ICA1: variants seen among roughly 807,000 people sequenced by gnomAD.
ICA1 encodes the protein 69 kDa islet cell autoantigen.
A neutral mutation model predicts 71.0 loss-of-function variants in ICA1; 40 were observed. That is an observed-to-expected ratio of 0.56 (90% confidence interval 0.44 to 0.73). The LOEUF is 0.73. Ranked by LOEUF, ICA1 falls within the 30% of genes least tolerant of loss-of-function variation. The probability of loss-of-function intolerance (pLI) is 0.00; values close to 1 mark genes in which losing one functional copy is unlikely to be tolerated. For missense variants in ICA1, 578 were observed against 576.5 expected, an observed-to-expected ratio of 1.00 and a Z score of -0.03; for synonymous variants, 207 against 209.5, an observed-to-expected ratio of 0.99 and a Z score of 0.10.
chr7:8,245,408 G>A (rs1428293466), intron 1 of ICA1, among the ~76,000 whole-genome samples: 2 of 125,466 alleles, frequency 1.6e-5, no homozygotes, highest in Non-Finnish European at 3.3e-5. Context: ...GGGGCCTGTT[G>A]TGGGGTGGGG....
At chr7:8,238,576 T>C (rs982790177) in intron 1 of ICA1, among the ~76,000 whole-genome samples, 5 of 152,204 alleles carry the variant, frequency 3.3e-5, no homozygotes, top group African/African-American at 1.2e-4. Flanking sequence ...GGTTTGCAAA[T>C]ATTTTCTCAT....
intron 9 of ICA1, 200 bp from the exon 10 acceptor site, chr7:8,142,017 G>C: frequency 6.7e-7 from 1 of 1,482,844 alleles, no homozygotes; most frequent in Non-Finnish European, 9.0e-7. Flanking sequence ...CTTAATATCT[G>C]AATTTGCTTT....
chr7:8,178,036 C>G (rs1270445713), intron 6 of ICA1, among the ~76,000 whole-genome samples: 4 of 152,238 alleles, frequency 2.6e-5, no homozygotes, highest in Non-Finnish European at 4.4e-5. Flanking sequence ...GCCCACTTCT[C>G]TACCTCCATC....
At chr7:8,218,699 T>TAC (rs753592873) in intron 5 of ICA1, 196 bp from the exon 6 acceptor site, 10 of 599,946 alleles carry the variant, frequency 1.7e-5, no homozygotes, top group Non-Finnish European at 2.4e-5. Context: ...ATTATCCATG[T>TAC]ACCCATCCCT....
intron 1 of ICA1, among the ~76,000 whole-genome samples, chr7:8,243,605 T>C (rs368799471): frequency 6.6e-6 from 1 of 152,106 alleles, no homozygotes; most frequent in East Asian, 1.9e-4. Context: ...CATATTCAAT[T>C]AGGAAAAGAA....
chr7:8,161,767 A>C (rs571049323), intron 6 of ICA1, among the ~76,000 whole-genome samples: 3 of 152,318 alleles, frequency 2.0e-5, no homozygotes, highest in African/African-American at 4.8e-5. Context: ...CTCCCTGCCC[A>C]CAGCTGACCA....
intron 8 of ICA1, among the ~76,000 whole-genome samples, chr7:8,154,928 A>G (rs903137491): frequency 1.3e-5 from 2 of 152,196 alleles, no homozygotes; most frequent in Non-Finnish European, 2.9e-5. Flanking sequence ...TTGAGTCCAC[A>G]TAAAGAAAAA....
At chr7:8,124,184 GA>G (rs1788159543) in intron 13 of ICA1, among the ~76,000 whole-genome samples, 1 of 147,612 alleles carries the variant, frequency 6.8e-6, no homozygotes. Context: ...GCAGTGGCGG[GA>G]TCTCGGCTCA....
intron 1 of ICA1, among the ~76,000 whole-genome samples, chr7:8,243,642 T>C (rs562673167): frequency 6.6e-6 from 1 of 152,336 alleles, no homozygotes; most frequent in South Asian, 2.1e-4. Flanking sequence ...TGTTTGCAGA[T>C]GACATGATTG....
At chr7:8,153,179 G>C (rs942780998) in intron 8 of ICA1, among the ~76,000 whole-genome samples, 5 of 152,170 alleles carry the variant, frequency 3.3e-5, no homozygotes, top group African/African-American at 1.2e-4. Context: ...TATATACTTT[G>C]TTTTATCACA....
At chr7:8,171,228 T>C (rs113868311) in intron 6 of ICA1, among the ~76,000 whole-genome samples, 1 of 148,062 alleles carries the variant, frequency 6.8e-6, no homozygotes, top group Non-Finnish European at 1.5e-5. Flanking sequence ...ATATTATTTC[T>C]TCCGTATATG....
intron 4 of ICA1, among the ~76,000 whole-genome samples, chr7:8,221,618 T>C (rs1797112907): frequency 6.6e-6 from 1 of 152,180 alleles, no homozygotes; most frequent in Non-Finnish European, 1.5e-5. Flanking sequence ...CTTGAATACA[T>C]CTGTCAGTGA....
intron 7 of ICA1, 58 bp from the exon 8 acceptor site, chr7:8,157,272 C>A: frequency 1.4e-6 from 2 of 1,455,876 alleles, no homozygotes; most frequent in South Asian, 1.3e-5. Context: ...TAGTCCTGGT[C>A]CCCAGGGAAG....
At chr7:8,239,450 A>G (rs1382523666) in intron 1 of ICA1, among the ~76,000 whole-genome samples, 1 of 152,240 alleles carries the variant, frequency 6.6e-6, no homozygotes, top group Non-Finnish European at 1.5e-5. Flanking sequence ...CCGAATAGGA[A>G]TAGCTCCAGT....
chr7:8,190,030 G>A (rs1013559355), intron 6 of ICA1, among the ~76,000 whole-genome samples: 2 of 152,268 alleles, frequency 1.3e-5, no homozygotes, highest in Admixed American at 6.5e-5. Flanking sequence ...TTGTACTCCT[G>A]GACCAGAACT....
chr7:8,261,605 G>A (rs562590065), intron 1 of ICA1, among the ~76,000 whole-genome samples: 3 of 152,308 alleles, frequency 2.0e-5, no homozygotes, highest in African/African-American at 7.2e-5. Flanking sequence ...GCCAAAAAAA[G>A]GGCCACGGAG....
At chr7:8,181,014 T>C (rs1782050512) in intron 6 of ICA1, among the ~76,000 whole-genome samples, 1 of 152,158 alleles carries the variant, frequency 6.6e-6, no homozygotes, top group Admixed American at 6.5e-5. Context: ...TTTTCTTTTA[T>C]GGTGGTGCAG....
At chr7:8,178,709 T>C (rs1222039694) in intron 6 of ICA1, among the ~76,000 whole-genome samples, 1 of 152,180 alleles carries the variant, frequency 6.6e-6, no homozygotes, top group Non-Finnish European at 1.5e-5. Flanking sequence ...TATATATTGC[T>C]GTACCATTTA....
At position 8,222,504 on chromosome 7, in the gene ICA1, C is replaced by T. The variant is rs1797428762; in HGVS notation, c.257-1106G>A. On this transcript the variant is annotated intron_variant, in intron 4 of 13. Transcript: ENST00000402384. The surrounding 1 kb of genome is among the most constrained non-coding windows in gnomAD (Gnocchi z 4.8). Reference sequence around the variant, plus strand: ...CAGCTTTCACAAACCAGTCACTTTTCTTTAAGAATGCACCCCCATTCCTGA... The same window carrying T: ...CAGCTTTCACAAACCAGTCACTTTTTTTTAAGAATGCACCCCCATTCCTGA... Among the ~76,000 whole-genome samples, 1 of 152,202 alleles carries T rather than the reference C, an allele frequency of 6.6e-6. No homozygotes were observed. The highest frequency in any genetic ancestry group is 1.5e-5 in the Non-Finnish European group (1 of 68,024).
Sources: gnomAD v4.1 joint callset for allele counts (sites outside exome capture counted in the v4.1 genomes callset) on GRCh38, gnomAD v4.1.1 for gene constraint, Gnocchi (gnomAD v3.1) non-coding constraint, MANE v1.5 for transcripts, NCBI Gene and HGNC (gene_info 2026-07-23, HGNC 2026-07-21) for gene names.